The following ANKRD6 variants were observed in gnomAD, a reference collection of about 807,000 sequenced individuals.
ANKRD6 encodes ankyrin repeat domain 6.
ANKRD6 carries 56 observed loss-of-function variants against 82.3 expected under a neutral mutation model. The ratio of observed to expected loss-of-function variants is 0.68; its 90% CI spans 0.55 to 0.85. The LOEUF is 0.85. Among genes scored for constraint, ANKRD6 ranks in the 40% least tolerant of loss-of-function variants. The probability of loss-of-function intolerance (pLI) is 0.00; values close to 1 mark genes in which losing one functional copy is unlikely to be tolerated. For synonymous variants in ANKRD6, 347 were observed against 352.1 expected (o/e 0.99, Z 0.16); for missense variants, 852 against 907.6 (o/e 0.94, Z 0.79).
intron 1 of ANKRD6, among the ~76,000 whole-genome samples, chr6:89,471,311 C>T (rs1396706010): frequency 6.7e-6 from 1 of 148,664 alleles, no homozygotes; most frequent in Non-Finnish European, 1.5e-5. Flanking sequence ...CACCACTGCA[C>T]TCCAGCCTGG....
chr6:89,571,552 T>C (rs898784465), intron 2 of ANKRD6, among the ~76,000 whole-genome samples: 2 of 152,166 alleles, frequency 1.3e-5, no homozygotes, highest in Non-Finnish European at 2.9e-5. Context: ...TAGATATTAA[T>C]CCTTTATCAT....
intron 1 of ANKRD6, among the ~76,000 whole-genome samples, chr6:89,531,221 C>G (rs1783104816): frequency 6.6e-6 from 1 of 152,230 alleles, no homozygotes; most frequent in Non-Finnish European, 1.5e-5. Context: ...TGTTCTTTCT[C>G]TTAGCTCCTG....
chr6:89,616,907 A>G (rs756723874), intron 8 of ANKRD6: 2 of 631,618 alleles, frequency 3.2e-6, no homozygotes, highest in Non-Finnish European at 5.9e-6. Context: ...CCTGGCATGA[A>G]AAAGAACTCA....
At chr6:89,579,393 G>A (rs745900774) in intron 2 of ANKRD6, among the ~76,000 whole-genome samples, 1 of 152,190 alleles carries the variant, frequency 6.6e-6, no homozygotes, top group Non-Finnish European at 1.5e-5. Context: ...GTATCAGGCA[G>A]GGAGTCCTGA....
At chr6:89,586,217 A>G (rs1793653866) in intron 2 of ANKRD6, among the ~76,000 whole-genome samples, 1 of 152,234 alleles carries the variant, frequency 6.6e-6, no homozygotes, top group Non-Finnish European at 1.5e-5. Context: ...AATTTGTTAT[A>G]CCAACAAATT....
chr6:89,629,390 C>T (rs566861212), intron 15 of ANKRD6, 152 bp downstream of exon 15: 141 of 1,081,326 alleles, frequency 1.3e-4, no homozygotes, highest in Admixed American at 6.6e-4. Context: ...GTATTTTGCT[C>T]GTAACCATAT....
intron 1 of ANKRD6, among the ~76,000 whole-genome samples, chr6:89,449,667 C>G (rs1292101261): frequency 6.6e-6 from 1 of 152,234 alleles, no homozygotes; most frequent in Non-Finnish European, 1.5e-5. Context: ...TATGCCATCT[C>G]TGAGTCCCTG....
intron 1 of ANKRD6, among the ~76,000 whole-genome samples, chr6:89,553,185 A>C (rs899440392): frequency 2.5e-4 from 38 of 152,200 alleles, no homozygotes; most frequent in African/African-American, 8.2e-4. Flanking sequence ...ATTTCAAGAA[A>C]TGCCTCAGTG....
At position 89,623,920 on chromosome 6, in the gene ANKRD6, C is replaced by T. The variant is rs750745038; in HGVS notation, c.1081C>T (p.His361Tyr). The T allele has an allele frequency of 3.1e-6, 5 of 1,613,848 alleles. No homozygotes were observed. The highest frequency in any genetic ancestry group is 4.2e-6 in the Non-Finnish European group (5 of 1,179,894). ...PTPPADQQPG[H>Y]QKNLHAHNHP... ...CCCACCAGCCGACCAACAGCCTGGACACCAGAAGAACCTGCATGCTCATAA... is the reference window on the plus strand; with the variant it reads ...CCCACCAGCCGACCAACAGCCTGGATACCAGAAGAACCTGCATGCTCATAA... Residue 361 changes from histidine to tyrosine, a missense_variant, in exon 12 of 16, where the codon CAC becomes TAC. Transcript: ENST00000339746.
intron 1 of ANKRD6, among the ~76,000 whole-genome samples, chr6:89,504,383 A>AC (rs942785705): frequency 6.6e-6 from 1 of 151,816 alleles, no homozygotes; most frequent in Non-Finnish European, 1.5e-5. Context: ...TTGTTGTAGG[A>AC]CAGTCTCTCT....
chr6:89,436,794 C>T (rs935147663), intron 1 of ANKRD6, among the ~76,000 whole-genome samples: 2 of 152,072 alleles, frequency 1.3e-5, no homozygotes, highest in African/African-American at 4.8e-5. Flanking sequence ...TGGACTGTAC[C>T]AAGGCACTGA....
At chr6:89,521,897 T>A (rs560518991) in intron 1 of ANKRD6, among the ~76,000 whole-genome samples, 3 of 152,358 alleles carry the variant, frequency 2.0e-5, no homozygotes, top group Non-Finnish European at 4.4e-5. Flanking sequence ...TCTGTGCATT[T>A]ATATTTATTT....
At chr6:89,486,966 G>A (rs1233472918) in intron 1 of ANKRD6, among the ~76,000 whole-genome samples, 2 of 152,180 alleles carry the variant, frequency 1.3e-5, no homozygotes, top group Non-Finnish European at 2.9e-5. Flanking sequence ...TTAAACATAT[G>A]AATTTGGGGT....
At chr6:89,456,350 G>A (rs989186065) in intron 1 of ANKRD6, among the ~76,000 whole-genome samples, 1 of 152,150 alleles carries the variant, frequency 6.6e-6, no homozygotes, top group Non-Finnish European at 1.5e-5. Context: ...ACTATAGACT[G>A]GGTGACATAA....
At chr6:89,448,154 G>T (rs930976444) in intron 1 of ANKRD6, among the ~76,000 whole-genome samples, 1 of 152,038 alleles carries the variant, frequency 6.6e-6, no homozygotes, top group Non-Finnish European at 1.5e-5. Flanking sequence ...TGATACGTTG[G>T]CCAGGTGAGG....
chr6:89,444,491 G>T (rs1161655201), intron 1 of ANKRD6, among the ~76,000 whole-genome samples: 1 of 152,104 alleles, frequency 6.6e-6, no homozygotes, highest in Non-Finnish European at 1.5e-5. Context: ...TTTCATCTTT[G>T]TTACCTTGCT....
chr6:89,619,141 G>A, intron 9 of ANKRD6, among the ~76,000 whole-genome samples: 1 of 152,162 alleles, frequency 6.6e-6, no homozygotes, highest in East Asian at 1.9e-4. Flanking sequence ...TCTTGTGCAT[G>A]GAGCTGGTCC....
chr6:89,481,349 T>G (rs145621876), intron 1 of ANKRD6, among the ~76,000 whole-genome samples: 202 of 152,288 alleles, frequency 1.3e-3, no homozygotes, highest in African/African-American at 4.3e-3. Flanking sequence ...TCCAGAAATT[T>G]TTGAGTGCCA....
chr6:89,501,448 C>T (rs1779251027), intron 1 of ANKRD6, among the ~76,000 whole-genome samples: 2 of 152,202 alleles, frequency 1.3e-5, no homozygotes, highest in Non-Finnish European at 2.9e-5. Flanking sequence ...TTGCTTGGAA[C>T]TCCTTAAGCT....
Sources: allele counts gnomAD v4.1 joint callset (sites outside exome capture counted in the v4.1 genomes callset), GRCh38; gene constraint gnomAD v4.1.1; transcripts MANE v1.5; gene names NCBI Gene and HGNC (gene_info 2026-07-23, HGNC 2026-07-21).